The following IL34 variants were observed in gnomAD, a reference collection of about 807,000 sequenced individuals.
IL34 encodes interleukin 34.
Under a neutral mutation model 25.3 loss-of-function variants are expected in IL34, and 17 were observed. The observed-to-expected ratio is 0.67, with a 90% CI of 0.46 to 1.01. IL34 has a LOEUF of 1.01. Ranked by LOEUF, IL34 falls within the 50% of genes least tolerant of loss-of-function variation. The probability of loss-of-function intolerance (pLI) is 0.00; values close to 1 mark genes in which losing one functional copy is unlikely to be tolerated. For synonymous variants in IL34, 174 were observed against 140.9 expected (o/e 1.23, Z -1.66); for missense variants, 368 against 312.9 (o/e 1.18, Z -1.33).
upstream of IL34, among the ~76,000 whole-genome samples, chr16:70,644,659 T>G (rs956223909): frequency 2.0e-5 from 3 of 147,010 alleles, no homozygotes; most frequent in African/African-American, 7.6e-5. Flanking sequence ...CGTTAGTGTT[T>G]GTAGTGATGC....
intron 1 of IL34, among the ~76,000 whole-genome samples, chr16:70,633,796 T>C (rs1364276758): frequency 6.6e-6 from 1 of 152,114 alleles, no homozygotes; most frequent in Non-Finnish European, 1.5e-5. Flanking sequence ...TGGTGCTGTG[T>C]GGCCTGTGGA....
At chr16:70,654,732 G>A (rs1021689104) in intron 2 of IL34, 61 bp downstream of exon 2, 4 of 1,533,802 alleles carry the variant, frequency 2.6e-6, no homozygotes, top group South Asian at 1.3e-5. Context: ...CCTGGCATAG[G>A]CCTCTGGACA....
At chr16:70,655,690 C>T (rs1483563050) in intron 2 of IL34, among the ~76,000 whole-genome samples, 1 of 152,134 alleles carries the variant, frequency 6.6e-6, no homozygotes, top group Admixed American at 6.5e-5. Context: ...CCATGCCTGA[C>T]CAATGTATCT....
At chr16:70,619,901 C>T (rs1392034554) in intron 1 of IL34, among the ~76,000 whole-genome samples, 1 of 152,170 alleles carries the variant, frequency 6.6e-6, no homozygotes, top group Non-Finnish European at 1.5e-5. Flanking sequence ...TTCCTTGGCC[C>T]AGTGGCCAGA....
chr16:70,653,341 T>A (rs1270338707), intron 1 of IL34, among the ~76,000 whole-genome samples: 1 of 136,218 alleles, frequency 7.3e-6, no homozygotes, highest in African/African-American at 3.0e-5. Context: ...AGCAAAACCC[T>A]GTCTCAAAAA....
chr16:70,650,252 CTGTT>C (rs1483481669), intron 1 of IL34, among the ~76,000 whole-genome samples: 2 of 152,130 alleles, frequency 1.3e-5, no homozygotes, highest in Non-Finnish European at 2.9e-5. Context: ...TGCCTGGTCC[CTGTT>C]TGTTAACCTG....
intron 1 of IL34, among the ~76,000 whole-genome samples, chr16:70,638,715 G>T (rs1298804942): frequency 6.6e-6 from 1 of 151,880 alleles, no homozygotes; most frequent in African/African-American, 2.4e-5. Flanking sequence ...TGAGTACCTG[G>T]GACTGTGGGT....
chr16:70,654,750 C>G (rs987071862), intron 2 of IL34, 79 bp downstream of exon 2: 31 of 1,497,838 alleles, frequency 2.1e-5, no homozygotes, highest in Non-Finnish European at 2.7e-5. Flanking sequence ...ACATTCAGAG[C>G]CCTTCTTAGG....
intron 1 of IL34, among the ~76,000 whole-genome samples, chr16:70,600,150 C>T (rs1237623636): frequency 6.6e-6 from 1 of 152,080 alleles, no homozygotes; most frequent in African/African-American, 2.4e-5. Flanking sequence ...ACTTTATCCC[C>T]ACTTCTCTCT....
At chr16:70,589,466 C>T (rs1219256514) in intron 1 of IL34, among the ~76,000 whole-genome samples, 1 of 152,088 alleles carries the variant, frequency 6.6e-6, no homozygotes, top group African/African-American at 2.4e-5. Flanking sequence ...ATTTAGCTCC[C>T]ACTTATAAGT....
intron 1 of IL34, 60 bp from the exon 2 acceptor site, chr16:70,654,478 T>C: frequency 6.5e-7 from 1 of 1,533,822 alleles, no homozygotes; most frequent in East Asian, 2.3e-5. Context: ...CTTTGCGTGT[T>C]GTGGACGGCG....
At chr16:70,650,728 T>G (rs2052057478) in intron 1 of IL34, among the ~76,000 whole-genome samples, 1 of 152,224 alleles carries the variant, frequency 6.6e-6, no homozygotes, top group Admixed American at 6.5e-5. Context: ...CAGCTTTACC[T>G]GGGACCTTGT....
At position 70,646,933 on chromosome 16, in the gene IL34, A is replaced by G. The variant is rs1273219290; in HGVS notation, c.-15A>G. 21 of 1,478,498 alleles carry G rather than the reference A, an allele frequency of 1.4e-5. No homozygotes were observed. The highest frequency in any genetic ancestry group is 1.9e-5 in the Non-Finnish European group (21 of 1,119,814). 91.6% of individuals were successfully genotyped at this position (1,478,498 alleles called of 1,614,324 possible). A position where few individuals can be genotyped will look rare whatever the true frequency, so the allele number is the denominator to read the frequency against. On this transcript the variant is annotated 5_prime_UTR_variant, in exon 1 of 6. Coordinates refer to ENST00000288098, the MANE Select transcript of IL34 (RefSeq NM_001393494.1). ...GGACGGCGCCTGAGCTCTCAGGGGG[A>G]CGAGGAACACCACCATGCCCCGGGG...
chr16:70,581,658 C>T (rs1567432861), intron 1 of IL34, among the ~76,000 whole-genome samples: 1 of 152,118 alleles, frequency 6.6e-6, no homozygotes, highest in Non-Finnish European at 1.5e-5. Context: ...GACAGTCTAA[C>T]GCAGTGGTTA....
chr16:70,600,157 C>G (rs2050894318), intron 1 of IL34, among the ~76,000 whole-genome samples: 1 of 152,170 alleles, frequency 6.6e-6, no homozygotes, highest in Non-Finnish European at 1.5e-5. Flanking sequence ...CCCCACTTCT[C>G]TCTTCACATG....
intron 1 of IL34, among the ~76,000 whole-genome samples, chr16:70,649,189 T>C (rs2052017437): frequency 6.6e-6 from 1 of 152,106 alleles, no homozygotes; most frequent in African/African-American, 2.4e-5. Flanking sequence ...GAAAACAGCT[T>C]TACTGAAGAG....
chr16:70,655,088 C>G (rs1158211810), intron 2 of IL34, among the ~76,000 whole-genome samples: 1 of 150,320 alleles, frequency 6.7e-6, no homozygotes, highest in Admixed American at 6.6e-5. Context: ...GAGTCTTGGT[C>G]TGTCACCAGG....
chr16:70,640,193 G>A (rs776862310), intron 1 of IL34, among the ~76,000 whole-genome samples: 5 of 152,112 alleles, frequency 3.3e-5, no homozygotes, highest in Non-Finnish European at 5.9e-5. Flanking sequence ...CCAGGCTGGA[G>A]TGCAGTGGTG....
chr16:70,641,511 C>G (rs971099940), intron 1 of IL34, among the ~76,000 whole-genome samples: 9 of 141,710 alleles, frequency 6.4e-5, no homozygotes, highest in African/African-American at 2.4e-4. Context: ...CTCCCTCTCT[C>G]CCTCCCTCCC....
Sources: allele counts gnomAD v4.1 joint callset (sites outside exome capture counted in the v4.1 genomes callset), GRCh38; gene constraint gnomAD v4.1.1; transcripts MANE v1.5; gene names NCBI Gene and HGNC (gene_info 2026-07-23, HGNC 2026-07-21).